ABCA10: variants seen among roughly 807,000 people sequenced by gnomAD.
The protein encoded by ABCA10 is ATP-binding cassette sub-family A member 10.
In ABCA10, 169 loss-of-function variants were observed where a neutral mutation model predicts 187.5. The ratio of observed to expected loss-of-function variants is 0.90; its 90% CI spans 0.80 to 1.02. The LOEUF is 1.02. ABCA10 is among the 50% of genes least tolerant of loss of function. The probability of loss-of-function intolerance (pLI) is 0.00; values close to 1 mark genes in which losing one functional copy is unlikely to be tolerated. For missense variants in ABCA10, 1,727 were observed against 1,812.4 expected (o/e 0.95, Z 0.86); for synonymous variants, 574 against 601.8 (o/e 0.95, Z 0.68).
rs147060487 is a variant in ABCA10, at chr17:69,203,044, A to T, written c.1007-1376T>A. ...AGAGCTAAGGAAGAAGAGACACAAC[A>T]TATAAACTTCTTGATGTATGAAAGC... On this transcript the variant is annotated intron_variant, in intron 9 of 38. Transcript: ENST00000690296. Among the ~76,000 whole-genome samples, 714 of 152,364 alleles carry T rather than the reference A, an allele frequency of 4.7e-3. 9 individuals are homozygous for T. The highest frequency in any genetic ancestry group is 0.016 in the African/African-American group (660 of 41,590).
intron 31 of ABCA10, 84 bp downstream of exon 31, chr17:69,154,151 T>A (rs1000081898): frequency 4.9e-5 from 71 of 1,446,264 alleles, no homozygotes; most frequent in Non-Finnish European, 6.2e-5. Context: ...ATCTATTTTT[T>A]AAAAAGATAT....
chr17:69,192,792 T>C, intron 15 of ABCA10, 139 bp from the exon 16 acceptor site: 1 of 766,902 alleles, frequency 1.3e-6, no homozygotes, highest in South Asian at 1.8e-5. Flanking sequence ...CTGGGTGCAG[T>C]ATCATTTCTA....
At position 69,222,621 on chromosome 17, in the gene ABCA10, T is replaced by C. The variant is rs139177597; in HGVS notation, c.111A>G (p.Gly37=). The C allele has an allele frequency of 5.4e-5, 86 of 1,602,130 alleles. No homozygotes were observed. In the East Asian group the frequency reaches 1.8e-3, roughly 34 times the overall value. The part of the protein sequence containing the change: ...ELPKKYHEMV[G]VIFSDTFSYR... Reference sequence around the variant, plus strand: ...ATGAGAAAGTATCACTAAATATAACTCCCACCATTTCATGGTATTTTTTTG... The same window carrying C: ...ATGAGAAAGTATCACTAAATATAACCCCCACCATTTCATGGTATTTTTTTG... The change falls in exon 4 of 39, where the codon GGA becomes GGG. Residue 37 remains glycine (G), a synonymous_variant. Coordinates refer to ENST00000690296, the MANE Select transcript of ABCA10 (RefSeq NM_001377321.1).
At chr17:69,202,095 A>G (rs1394587070) in intron 9 of ABCA10, among the ~76,000 whole-genome samples, 2 of 152,178 alleles carry the variant, frequency 1.3e-5, no homozygotes, top group Non-Finnish European at 2.9e-5. Flanking sequence ...AATGTTAAAA[A>G]TAAAGCATTA....
chr17:69,169,185 G>A (rs1206020665), intron 25 of ABCA10, among the ~76,000 whole-genome samples: 2 of 152,138 alleles, frequency 1.3e-5, no homozygotes, highest in Admixed American at 6.5e-5. Flanking sequence ...CTGAAATAAT[G>A]TGTTCAATTT....
At chr17:69,185,687 T>C (rs932252993) in intron 19 of ABCA10, 44 bp from the exon 20 acceptor site, 1 of 1,477,882 alleles carries the variant, frequency 6.8e-7, no homozygotes, top group Non-Finnish European at 9.2e-7. Context: ...GCAATTTTCC[T>C]CTGGTTATTT....
intron 9 of ABCA10, among the ~76,000 whole-genome samples, chr17:69,212,232 G>C (rs1270779771): frequency 2.0e-5 from 3 of 152,008 alleles, no homozygotes; most frequent in African/African-American, 4.8e-5. Flanking sequence ...TTTCATTGTT[G>C]ACCGAACAAT....
chr17:69,163,986 A>C, intron 27 of ABCA10, 88 bp downstream of exon 27: 1 of 985,664 alleles, frequency 1.0e-6, no homozygotes, highest in Non-Finnish European at 1.4e-6. Flanking sequence ...GTATTTTAAG[A>C]CATTTAAATT....
chr17:69,191,525 T>C (rs2074459919), intron 16 of ABCA10, among the ~76,000 whole-genome samples: 1 of 152,208 alleles, frequency 6.6e-6, no homozygotes, highest in African/African-American at 2.4e-5. Context: ...TTATTTCAAA[T>C]GGAAAAATTA....
chr17:69,243,192 C>T (rs527374706), intron 1 of ABCA10, among the ~76,000 whole-genome samples: 10 of 152,244 alleles, frequency 6.6e-5, no homozygotes, highest in African/African-American at 1.7e-4. Flanking sequence ...TATGTAGACA[C>T]GGTGAAAAAA....
At chr17:69,224,634 A>C (rs1555664735) in intron 3 of ABCA10, among the ~76,000 whole-genome samples, 1 of 151,686 alleles carries the variant, frequency 6.6e-6, no homozygotes, top group Non-Finnish European at 1.5e-5. Flanking sequence ...AGCATCCTAC[A>C]TAACATAGAG....
Position 69,192,654 on chromosome 17 carries a change from C to T in ABCA10, c.1781-1G>A, listed in dbSNP as rs1447083224. 4 of 1,610,908 alleles carry T rather than the reference C, an allele frequency of 2.5e-6. No individual in the cohort carries two copies. The African/African-American group carries it at 5.3e-5, about 22-fold the overall frequency. The stretch of plus-strand genomic sequence containing the variant: ...CCATTAGACAGAAATACTTTCCTAT[C>T]TGAGTAGAAAGGAAGATTCAAAAAA... On this transcript the variant is annotated splice_acceptor_variant, in intron 15 of 38. Transcript: ENST00000690296. LOFTEE classifies it high-confidence loss of function.
intron 27 of ABCA10, among the ~76,000 whole-genome samples, chr17:69,157,373 T>C (rs963990833): frequency 6.6e-6 from 1 of 152,132 alleles, no homozygotes; most frequent in Non-Finnish European, 1.5e-5. Context: ...AAGGGGTAGA[T>C]AGGTCACTCT....
chr17:69,193,419 TAGAAG>T, intron 14 of ABCA10, 69 bp downstream of exon 14: 6 of 1,540,374 alleles, frequency 3.9e-6, no homozygotes, highest in Non-Finnish European at 5.2e-6. Flanking sequence ...GTAATTACAG[TAGAAG>T]TTGGACTTTA....
intron 5 of ABCA10, 98 bp from the exon 6 acceptor site, chr17:69,219,869 CTCA>C (rs1285130922): frequency 2.3e-5 from 20 of 851,340 alleles, no homozygotes; most frequent in Admixed American, 1.5e-4. Flanking sequence ...TTTACATATT[CTCA>C]TCATTTTAAA....
intron 11 of ABCA10, among the ~76,000 whole-genome samples, chr17:69,195,988 T>TTC (rs1011420051): frequency 6.6e-6 from 1 of 152,198 alleles, no homozygotes; most frequent in Non-Finnish European, 1.5e-5. Context: ...ACAATCTGAT[T>TTC]TCTCTTTCCT....
intron 18 of ABCA10, among the ~76,000 whole-genome samples, chr17:69,189,121 G>C (rs776783722): frequency 3.9e-5 from 6 of 152,156 alleles, no homozygotes; most frequent in Non-Finnish European, 8.8e-5. Flanking sequence ...GCTTTCTGCA[G>C]TGGCTGAACT....
chr17:69,213,293 T>C (rs2074674471), intron 9 of ABCA10, among the ~76,000 whole-genome samples: 1 of 151,512 alleles, frequency 6.6e-6, no homozygotes, highest in Non-Finnish European at 1.5e-5. Context: ...CTTTTGTCTT[T>C]AGCTACCAGC....
chr17:69,215,127 G>A (rs770672917), intron 8 of ABCA10, among the ~76,000 whole-genome samples: 4 of 152,044 alleles, frequency 2.6e-5, no homozygotes, highest in Non-Finnish European at 4.4e-5. Flanking sequence ...TGGAGAAGTG[G>A]ACAAGCAACC....
Sources: gnomAD v4.1 joint callset for allele counts (sites outside exome capture counted in the v4.1 genomes callset) on GRCh38, gnomAD v4.1.1 for gene constraint, MANE v1.5 for transcripts, NCBI Gene and HGNC (gene_info 2026-07-23, HGNC 2026-07-21) for gene names.